HOOK1: variants seen among roughly 807,000 people sequenced by gnomAD.
HOOK1 encodes hook microtubule tethering protein 1, also known as protein Hook homolog 1.
HOOK1 carries 60 observed loss-of-function variants against 112.8 expected under a neutral mutation model. That is an observed-to-expected ratio of 0.53 (90% CI 0.43 to 0.66). The LOEUF is 0.66. HOOK1 is among the 30% of genes least tolerant of loss of function. The pLI is 0.00. For synonymous variants in HOOK1, 294 were observed against 283.8 expected (o/e 1.04, Z -0.36); for missense variants, 770 against 856.0 (o/e 0.90, Z 1.25).
At position 59,835,368 on chromosome 1, in the gene HOOK1, C is replaced by CT; in HGVS notation, c.431dup (p.Glu145GlyfsTer18). ...AGAACATATTCAAAATATAATGACA[C>CT]TGGAAGAGTCTGTTCAACATGTGGT... On this transcript the variant is annotated frameshift_variant, in exon 6 of 22. Coordinates refer to ENST00000371208, the MANE Select transcript of HOOK1 (RefSeq NM_015888.6). LOFTEE classifies it high-confidence loss of function. The CT allele has an allele frequency of 1.3e-6, 2 of 1,587,038 alleles. No homozygotes were observed. The highest frequency in any genetic ancestry group is 1.7e-6 in the Non-Finnish European group (2 of 1,156,702).
chr1:59,833,709 G>A lies in HOOK1; in HGVS notation c.406+172G>A, dbSNP rs186403030. 6.8e-4 allele frequency among the ~76,000 whole-genome samples: 104 copies of A among 152,288 alleles called. No individual in the cohort carries two copies. In the Middle Eastern group the frequency reaches 0.01, roughly 15 times the overall value. ...GTCGTTGAAAAGTGGCATACCTTGA[G>A]TGTCCTATTTGTACCTGGATTCTGA... is the stretch of plus-strand genomic sequence containing the variant. On this transcript the variant is annotated intron_variant, in intron 5 of 21. Transcript: ENST00000371208.
At position 59,832,806 on chromosome 1, in the gene HOOK1, C is replaced by T. The variant is rs2098394941; in HGVS notation, c.273+593C>T. On this transcript the variant is annotated intron_variant, in intron 4 of 21. Coordinates refer to ENST00000371208, the MANE Select transcript of HOOK1 (RefSeq NM_015888.6). ...AATTTTTGTTTCTATTCTTTAAAGTCGTCACACAATTAAACTTGTAATTTC... is the reference window on the plus strand; with the variant it reads ...AATTTTTGTTTCTATTCTTTAAAGTTGTCACACAATTAAACTTGTAATTTC... Among the ~76,000 whole-genome samples the T allele has an allele frequency of 2.0e-5, 3 of 151,888 alleles. No individual in the cohort carries two copies. The South Asian group carries it at 6.2e-4, about 31-fold the overall frequency.
Position 59,833,385 on chromosome 1 carries a change from A to G in HOOK1, c.274-20A>G. 6.8e-7 allele frequency: 1 copy of G among 1,467,322 alleles called. No homozygotes were observed. The highest frequency in any genetic ancestry group is 2.4e-5 in the East Asian group (1 of 42,250). 90.9% of individuals were successfully genotyped at this position (1,467,322 alleles called of 1,614,324 possible). The stretch of plus-strand genomic sequence containing the variant: ...TGCAGCCGACATAAATGAGTGATCT[A>G]ATTTATTTTAATATTGTAGTTTTTG... On this transcript the variant is annotated intron_variant, in intron 4 of 21. Coordinates refer to ENST00000371208, the MANE Select transcript of HOOK1 (RefSeq NM_015888.6).
intron 7 of HOOK1, among the ~76,000 whole-genome samples, 188 bp from the exon 8 acceptor site, chr1:59,840,120 T>A (rs981887521): frequency 6.6e-6 from 1 of 152,216 alleles, no homozygotes; most frequent in Non-Finnish European, 1.5e-5. Flanking sequence ...TTCACATCGA[T>A]GTTCATCAGG....
chr1:59,861,116 G>A (rs1387928282), intron 15 of HOOK1, among the ~76,000 whole-genome samples: 1 of 152,016 alleles, frequency 6.6e-6, no homozygotes, highest in African/African-American at 2.4e-5. Flanking sequence ...TCACCATGTT[G>A]GCTGGGCTGG....
intron 1 of HOOK1, among the ~76,000 whole-genome samples, chr1:59,819,480 T>A (rs2098384019): frequency 6.6e-6 from 1 of 152,208 alleles, no homozygotes; most frequent in Non-Finnish European, 1.5e-5. Context: ...TAATTCACTC[T>A]TCTTGGTTGT....
chr1:59,815,428 C>A (rs530946003), intron 1 of HOOK1: 2 of 549,104 alleles, frequency 3.6e-6, no homozygotes, highest in Non-Finnish European at 6.5e-6. Flanking sequence ...GCTCTGGTCT[C>A]AACCAGAGGA....
intron 20 of HOOK1, among the ~76,000 whole-genome samples, chr1:59,869,418 C>G (rs895264069): frequency 3.9e-5 from 6 of 152,148 alleles, no homozygotes; most frequent in African/African-American, 1.4e-4. Context: ...TCTGGAACTC[C>G]TCACCTCAAG....
At chr1:59,840,180 T>G (rs968704265) in intron 7 of HOOK1, 128 bp from the exon 8 acceptor site, 8 of 460,910 alleles carry the variant, frequency 1.7e-5, no homozygotes, top group Non-Finnish European at 2.9e-5. Context: ...CATTTCTTAT[T>G]AGGTAAATTC....
chr1:59,836,948 G>A lies in HOOK1; in HGVS notation c.537+13G>A. On this transcript the variant is annotated intron_variant, in intron 7 of 21. Coordinates refer to ENST00000371208, the MANE Select transcript of HOOK1 (RefSeq NM_015888.6). Reference sequence around the variant, plus strand: ...ATTGGAGCAACAGGTGAGTATTTTAGTATGGAAGAAAAATGTTGAAAGCAA... The same window carrying A: ...ATTGGAGCAACAGGTGAGTATTTTAATATGGAAGAAAAATGTTGAAAGCAA... The A allele has an allele frequency of 6.4e-7, 1 of 1,558,096 alleles. No homozygotes were observed. Among genetic ancestry groups the A allele is most frequent in the South Asian group, 1.2e-5 (1 of 86,694 alleles).
At chr1:59,863,885 A>G (rs2098414902) in intron 16 of HOOK1, 9 of 885,374 alleles carry the variant, frequency 1.0e-5, no homozygotes, top group African/African-American at 1.8e-5. Flanking sequence ...TAACTTCTCT[A>G]ATACAAATAT....
intron 20 of HOOK1, among the ~76,000 whole-genome samples, chr1:59,869,482 G>A (rs1166840760): frequency 6.6e-6 from 1 of 152,108 alleles, no homozygotes. Context: ...GTGAGCCACC[G>A]CACCTAGCTG....
intron 12 of HOOK1, among the ~76,000 whole-genome samples, chr1:59,856,158 T>A (rs2098410660): frequency 6.8e-6 from 1 of 147,646 alleles, no homozygotes; most frequent in African/African-American, 2.5e-5. Context: ...GTTGGCCAGG[T>A]TGGTCTTGAA....
At position 59,828,813 on chromosome 1, in the gene HOOK1, C is replaced by T; in HGVS notation, c.183C>T (p.Ser61=). 6.2e-7 allele frequency: 1 copy of T among 1,612,662 alleles called. No homozygotes were observed. The highest frequency in any genetic ancestry group is 8.5e-7 in the Non-Finnish European group (1 of 1,179,392). Residue 61 remains serine, a synonymous_variant, in exon 3 of 22, where the codon AGC becomes AGT. Transcript: ENST00000371208. ...CTTGGTTTAACGAATCTTGGTTAAG[C>T]CGAATTAAAGAGGATGTTGGGGACA... ...DAAWFNESWL[S]RIKEDVGDNW...
At chr1:59,821,481 AT>A (rs1171290992) in intron 1 of HOOK1, among the ~76,000 whole-genome samples, 1 of 152,188 alleles carries the variant, frequency 6.6e-6, no homozygotes, top group African/African-American at 2.4e-5. Flanking sequence ...TATGAGTGAA[AT>A]TTTAAGTTGC....
chr1:59,851,295 G>T (rs980151119), intron 12 of HOOK1, among the ~76,000 whole-genome samples: 3 of 151,520 alleles, frequency 2.0e-5, no homozygotes. Context: ...TTAATTTTCT[G>T]ATCCATGAAT....
At chr1:59,869,655 A>G (rs532173565) in intron 20 of HOOK1, among the ~76,000 whole-genome samples, 4 of 152,286 alleles carry the variant, frequency 2.6e-5, no homozygotes, top group African/African-American at 9.6e-5. Context: ...CCCTACATCC[A>G]TAGTACAACA....
intron 19 of HOOK1, among the ~76,000 whole-genome samples, chr1:59,867,361 A>G (rs1351323980): frequency 1.3e-5 from 2 of 152,176 alleles, no homozygotes; most frequent in Non-Finnish European, 2.9e-5. Flanking sequence ...CTGAATCCTC[A>G]TCTGCCAGTA....
chr1:59,873,736 T>TATATAC lies in HOOK1; in HGVS notation c.*776_*777insCATATA, dbSNP rs1644092757. On this transcript the variant is annotated 3_prime_UTR_variant, in exon 22 of 22. Coordinates refer to ENST00000371208, the MANE Select transcript of HOOK1 (RefSeq NM_015888.6). The stretch of plus-strand genomic sequence containing the variant: ...TGATGGAAAGCAAGCTATATATATA[T>TATATAC]ATATATATATATATATATATATATA... 1 of 138,274 alleles carries TATATAC rather than the reference T, an allele frequency of 7.2e-6. No individual in the cohort carries two copies. The highest frequency in any genetic ancestry group is 1.6e-5 in the Non-Finnish European group (1 of 62,908). The allele number at this position is 138,274 out of a possible 1,614,324, so 8.6% of individuals were successfully genotyped here. A position where few individuals can be genotyped will look rare whatever the true frequency, so the allele number is the denominator to read the frequency against.
Sources: gnomAD v4.1 joint callset for allele counts (sites outside exome capture counted in the v4.1 genomes callset) on GRCh38, gnomAD v4.1.1 for gene constraint, MANE v1.5 for transcripts, NCBI Gene and HGNC (gene_info 2026-07-23, HGNC 2026-07-21) for gene names.